Variants in KCNJ16 observed in about 807,000 individuals in gnomAD.
KCNJ16 encodes the protein inward rectifier potassium channel 16.
A neutral mutation model predicts 18.5 loss-of-function variants in KCNJ16; 15 were observed. The observed-to-expected ratio is 0.81, with a 90% CI of 0.54 to 1.25. KCNJ16 has a LOEUF of 1.25. Among genes scored for constraint, KCNJ16 ranks in the 50% most tolerant of loss-of-function variants. The probability of loss-of-function intolerance (pLI) is 0.00; values close to 1 mark genes in which losing one functional copy is unlikely to be tolerated. For missense variants in KCNJ16, 523 were observed against 525.7 expected (o/e 0.99, Z 0.05); for synonymous variants, 174 against 186.5 (o/e 0.93, Z 0.55).
intron 1 of KCNJ16, among the ~76,000 whole-genome samples, chr17:70,081,278 T>A (rs1485208151): frequency 1.3e-5 from 2 of 152,176 alleles, no homozygotes; most frequent in Non-Finnish European, 1.5e-5. Context: ...ACAAATTATC[T>A]AAGACATGAT....
chr17:70,116,597 A>G (rs1217302718), intron 2 of KCNJ16, among the ~76,000 whole-genome samples: 1 of 152,200 alleles, frequency 6.6e-6, no homozygotes, highest in African/African-American at 2.4e-5. Flanking sequence ...GGGGAGTCAC[A>G]TTTCTAGTAA....
At chr17:70,096,456 A>C (rs568614067) in intron 1 of KCNJ16, among the ~76,000 whole-genome samples, 1 of 67,094 alleles carries the variant, frequency 1.5e-5, no homozygotes, top group Non-Finnish European at 3.1e-5. Context: ...TTATGAACTT[A>C]TTTAATTTTT....
Position 70,132,310 on chromosome 17 carries a change from G to A in KCNJ16, c.223G>A (p.Val75Met), listed in dbSNP as rs199544792. The stretch of plus-strand genomic sequence containing the variant: ...GGACACCAAGTGGCGCCATATGTTT[G>A]TGATATTTTCTTTATCTTATATTCT... The part of the protein sequence containing the change: ...LVDTKWRHMF[V>M]IFSLSYILSW... Residue 75 changes from valine (V) to methionine (M), a missense_variant, in exon 4 of 4, where the codon GTG (valine) becomes ATG (methionine). Coordinates refer to ENST00000392671, the MANE Select transcript of KCNJ16 (RefSeq NM_170741.4). 1.2e-6 allele frequency: 2 copies of A among 1,614,192 alleles called. No homozygotes were observed. The highest frequency in any genetic ancestry group is 1.7e-6 in the Non-Finnish European group (2 of 1,180,032).
intron 1 of KCNJ16, among the ~76,000 whole-genome samples, chr17:70,092,818 G>A (rs1026688245): frequency 6.6e-6 from 1 of 152,106 alleles, no homozygotes; most frequent in African/African-American, 2.4e-5. Flanking sequence ...GGAAGAATAT[G>A]GATGCCCCAT....
chr17:70,105,679 G>C (rs938051980), intron 2 of KCNJ16, among the ~76,000 whole-genome samples: 12 of 152,300 alleles, frequency 7.9e-5, no homozygotes, highest in Admixed American at 7.2e-4. Flanking sequence ...ATCTGACTAA[G>C]TATAAAAGCA....
intron 2 of KCNJ16, among the ~76,000 whole-genome samples, chr17:70,127,766 G>A (rs947562825): frequency 6.6e-6 from 1 of 152,068 alleles, no homozygotes; most frequent in African/African-American, 2.4e-5. Flanking sequence ...TCATCTTATA[G>A]TTGTCAGGAA....
In KCNJ16 at chr17:70,077,028, G is replaced by T. The variant is rs533190994; in HGVS notation, c.-300+1638G>T. Reference sequence around the variant, plus strand: ...GGGGGTGATATTTAGCCAAAGACCTGGAGGTGGCAAGGAAGTGAGCAACGT... The same window carrying T: ...GGGGGTGATATTTAGCCAAAGACCTTGAGGTGGCAAGGAAGTGAGCAACGT... On this transcript the variant is annotated intron_variant, in intron 1 of 3. Transcript: ENST00000392671. 2.0e-5 allele frequency among the ~76,000 whole-genome samples: 3 copies of T among 152,260 alleles called. No individual in the cohort carries two copies. In the East Asian group the frequency reaches 5.8e-4, roughly 29 times the overall value.
At chr17:70,093,664 G>A (rs932484032) in intron 1 of KCNJ16, among the ~76,000 whole-genome samples, 13 of 152,026 alleles carry the variant, frequency 8.6e-5, no homozygotes, top group Non-Finnish European at 1.5e-5. Flanking sequence ...CTTATAAAAG[G>A]GTAGAGAAAC....
At chr17:70,112,039 G>C (rs1360787576) in intron 2 of KCNJ16, among the ~76,000 whole-genome samples, 3 of 152,182 alleles carry the variant, frequency 2.0e-5, no homozygotes, top group African/African-American at 7.2e-5. Context: ...ATATACATCA[G>C]AGTGGTCCTG....
chr17:70,089,861 C>A (rs1206628599), intron 1 of KCNJ16, among the ~76,000 whole-genome samples: 1 of 152,176 alleles, frequency 6.6e-6, no homozygotes, highest in African/African-American at 2.4e-5. Flanking sequence ...AGATAAAGGC[C>A]GATCCTGCTA....
At position 70,110,482 on chromosome 17, in the gene KCNJ16, G is replaced by GCACA. The variant is rs34424075; in HGVS notation, c.-191+9733_-191+9736dup. On this transcript the variant is annotated intron_variant, in intron 2 of 3. Transcript: ENST00000392671. ...TTACACACCTACACACTTCGTGCGCGCACACACACACACACACACAAACTC... is the reference window on the plus strand; with the variant it reads ...TTACACACCTACACACTTCGTGCGCGCACACACACACACACACACACACAAACTC... 3.6e-3 allele frequency among the ~76,000 whole-genome samples: 541 copies of GCACA among 149,878 alleles called. 2 individuals carry two copies. The highest frequency in any genetic ancestry group is 0.014 in the Middle Eastern group (4 of 288).
intron 2 of KCNJ16, among the ~76,000 whole-genome samples, chr17:70,123,401 T>G (rs2073727869): frequency 6.6e-6 from 1 of 152,194 alleles, no homozygotes; most frequent in South Asian, 2.1e-4. Flanking sequence ...CTGGGAAACA[T>G]TTTTGCTTCC....
intron 1 of KCNJ16, among the ~76,000 whole-genome samples, chr17:70,092,193 A>G (rs559352236): frequency 3.3e-5 from 5 of 152,314 alleles, no homozygotes; most frequent in African/African-American, 9.6e-5. Flanking sequence ...CATCTTTTAC[A>G]TAAGTGTTTT....
At chr17:70,109,447 T>C (rs886157590) in intron 2 of KCNJ16, among the ~76,000 whole-genome samples, 3 of 152,188 alleles carry the variant, frequency 2.0e-5, no homozygotes, top group Non-Finnish European at 4.4e-5. Flanking sequence ...CTGGATCTGT[T>C]ACTTTTTTTT....
intron 2 of KCNJ16, among the ~76,000 whole-genome samples, chr17:70,121,203 AGAGGATCCCAGAGAAAG>A (rs2073624806): frequency 6.6e-6 from 1 of 152,220 alleles, no homozygotes; most frequent in Admixed American, 6.5e-5. Context: ...TAGGCAGATA[AGAGGATCCCAGAGAAAG>A]ACTCTGCCTG....
At position 70,108,489 on chromosome 17, in the gene KCNJ16, GC is replaced by G. The variant is rs2073034169; in HGVS notation, c.-191+7724del. ...GTTTAAAAGACAAATCAGTCATTTT[GC>G]ATGTTGATATCTATAAATGACCACA... On this transcript the variant is annotated intron_variant, in intron 2 of 3. Coordinates refer to ENST00000392671, the MANE Select transcript of KCNJ16 (RefSeq NM_170741.4). 5 of 152,204 alleles carry G rather than the reference GC, an allele frequency of 3.3e-5. No individual in the cohort carries two copies. In the South Asian group the frequency reaches 1.0e-3, roughly 32 times the overall value. The allele number at this position is 152,204 out of a possible 1,614,324, so 9.4% of individuals were successfully genotyped here.
At chr17:70,082,709 T>C (rs1234917166) in intron 1 of KCNJ16, among the ~76,000 whole-genome samples, 2 of 152,162 alleles carry the variant, frequency 1.3e-5, no homozygotes, top group Admixed American at 6.6e-5. Context: ...ACTATCTTTA[T>C]GGAGTAGGTG....
chr17:70,133,141 C>T lies in KCNJ16; in HGVS notation c.1054C>T (p.His352Tyr). The T allele has an allele frequency of 6.2e-7, 1 of 1,614,138 alleles. No individual in the cohort carries two copies. The highest frequency in any genetic ancestry group is 1.6e-4 in the Middle Eastern group (1 of 6,062). ...ATTGGACTGGAAAGACCAGCAGCTC[C>T]ACATAGAAAAAGCACCACCAGTTCG... The part of the protein sequence containing the change: ...KQLDWKDQQL[H>Y]IEKAPPVRES... The change falls in exon 4 of 4, where the codon CAC becomes TAC. Residue 352 changes from histidine to tyrosine, a missense_variant. By Grantham distance (83) the His-to-Tyr change is moderately conservative. Coordinates refer to ENST00000392671, the MANE Select transcript of KCNJ16 (RefSeq NM_170741.4).
intron 2 of KCNJ16, among the ~76,000 whole-genome samples, chr17:70,125,777 A>C (rs1411581240): frequency 6.6e-6 from 1 of 152,008 alleles, no homozygotes; most frequent in Non-Finnish European, 1.5e-5. Context: ...AAAAATACAA[A>C]AGAAATTAGC....
Sources: gnomAD v4.1 joint callset for allele counts (sites outside exome capture counted in the v4.1 genomes callset) on GRCh38, gnomAD v4.1.1 for gene constraint, MANE v1.5 for transcripts, NCBI Gene and HGNC (gene_info 2026-07-23, HGNC 2026-07-21) for gene names.